The following GDI2 variants were observed in gnomAD, a reference collection of about 807,000 sequenced individuals.
GDI2 encodes rab GDP dissociation inhibitor beta.
In GDI2, 22 loss-of-function variants were observed where a neutral mutation model predicts 54.2. The ratio of observed to expected loss-of-function variants is 0.41; its 90% confidence interval spans 0.29 to 0.58. The LOEUF (loss-of-function observed/expected upper bound fraction) is 0.58. GDI2 is among the 20% of genes least tolerant of loss of function. The pLI, the probability that GDI2 is intolerant of heterozygous loss-of-function variation, is 0.35. For synonymous variants in GDI2, 177 were observed against 182.1 expected (o/e 0.97, Z 0.23); for missense variants, 422 against 546.0 (o/e 0.77, Z 2.26).
At chr10:5,809,559 T>C (rs149069312) in intron 1 of GDI2, among the ~76,000 whole-genome samples, 1 of 152,252 alleles carries the variant, frequency 6.6e-6, no homozygotes, top group African/African-American at 2.4e-5. Flanking sequence ...CCTGATTCCC[T>C]GACTGAACTC....
At chr10:5,789,717 G>A (rs1242382036) in intron 4 of GDI2, among the ~76,000 whole-genome samples, 3 of 152,218 alleles carry the variant, frequency 2.0e-5, no homozygotes, top group African/African-American at 4.8e-5. Context: ...ATAAATATAT[G>A]CAATTCTATT....
Position 5,776,810 on chromosome 10 carries a change from G to A in GDI2, c.720-2869C>T. The stretch of plus-strand genomic sequence containing the variant: ...TCCTCCCTTGGATTTTCCATCTCCA[G>A]AACTTCCCCTTATGGAGCTGAGGAT... On this transcript the variant is annotated intron_variant, in intron 6 of 10. Coordinates refer to ENST00000380191, the MANE Select transcript of GDI2 (RefSeq NM_001494.4). This position sits in a 1 kb window ranked among gnomAD's most constrained non-coding sequence, Gnocchi z 5.3. The A allele has an allele frequency of 1.3e-6, 2 of 1,502,698 alleles. No individual in the cohort carries two copies. The highest frequency in any genetic ancestry group is 1.2e-5 in the South Asian group (1 of 84,568). 93.1% of individuals were successfully genotyped at this position (1,502,698 alleles called of 1,614,324 possible).
intron 4 of GDI2, among the ~76,000 whole-genome samples, chr10:5,793,216 A>T (rs1271939734): frequency 3.9e-5 from 6 of 152,076 alleles, no homozygotes. Context: ...GCTGGTCTTC[A>T]ACTCCTGGCC....
chr10:5,796,747 G>A lies in GDI2; in HGVS notation c.253+16C>T. ...AATCAAAGTACTGTCATAAATTTAA[G>A]TTAGAAATTCTTTACCATTAGCCAT... On this transcript the variant is annotated intron_variant, in intron 3 of 10. Transcript: ENST00000380191. The A allele has an allele frequency of 8.5e-7, 1 of 1,174,516 alleles. No homozygotes were observed. The highest frequency in any genetic ancestry group is 1.3e-6 in the Non-Finnish European group (1 of 782,576). 72.8% of individuals were successfully genotyped at this position (1,174,516 alleles called of 1,614,324 possible).
At chr10:5,798,141 G>C (rs879106025) in intron 2 of GDI2, among the ~76,000 whole-genome samples, 1 of 152,068 alleles carries the variant, frequency 6.6e-6, no homozygotes, top group Admixed American at 6.6e-5. Flanking sequence ...ATGATGTTTT[G>C]TGGTAAGAAT....
Position 5,774,024 on chromosome 10 carries a change from C to T in GDI2, c.720-83G>A, listed in dbSNP as rs1588968377. ...CCCTTTCTTAGATCTTAATGAGTTA[C>T]AGACAATATACATTTGTTCAATTTC... On this transcript the variant is annotated intron_variant, in intron 6 of 10. Transcript: ENST00000380191. The surrounding 1 kb of genome is among the most constrained non-coding windows in gnomAD (Gnocchi z 4.8). 3.1e-6 allele frequency: 2 copies of T among 652,270 alleles called. No individual in the cohort carries two copies. The highest frequency in any genetic ancestry group is 4.2e-4 in the Middle Eastern group (1 of 2,388). The allele number at this position is 652,270 out of a possible 1,614,324, so 40.4% of individuals were successfully genotyped here.
chr10:5,790,670 C>CA lies in GDI2; in HGVS notation c.388+4214dup, dbSNP rs201167575. Among the ~76,000 whole-genome samples, 162 of 152,142 alleles carry CA rather than the reference C, an allele frequency of 1.1e-3. 3 individuals carry two copies. In the East Asian group the frequency reaches 0.022, roughly 21 times the overall value. ...TCAAAAAACAAAAAAAAATCACATACAAAATAAATGTTAATCAACTACTTA... is the reference window on the plus strand; with the variant it reads ...TCAAAAAACAAAAAAAAATCACATACAAAAATAAATGTTAATCAACTACTTA... On this transcript the variant is annotated intron_variant, in intron 4 of 10. Transcript: ENST00000380191.
At chr10:5,790,417 G>GT (rs2131703577) in intron 4 of GDI2, among the ~76,000 whole-genome samples, 1 of 150,498 alleles carries the variant, frequency 6.6e-6, no homozygotes, top group East Asian at 1.9e-4. Flanking sequence ...AACGAGGCAG[G>GT]TGGATCACCT....
rs917033032 is a variant in GDI2, at chr10:5,774,844, T to A, written c.720-903A>T. Among the ~76,000 whole-genome samples the A allele has an allele frequency of 6.6e-6, 1 of 152,108 alleles. No homozygotes were observed. Among genetic ancestry groups the A allele is most frequent in the Non-Finnish European group, 1.5e-5 (1 of 68,014 alleles). On this transcript the variant is annotated intron_variant, in intron 6 of 10. Transcript: ENST00000380191. The surrounding 1 kb of genome is among the most constrained non-coding windows in gnomAD (Gnocchi z 4.8). ...ATGGCCTTGTGCAGTCGCGGGACTA[T>A]CCACATCAGAGGCAAATCTGCCATT... is the stretch of plus-strand genomic sequence containing the variant.
chr10:5,804,096 CTT>C (rs34897650), intron 1 of GDI2, among the ~76,000 whole-genome samples: 1 of 147,276 alleles, frequency 6.8e-6, no homozygotes, highest in South Asian at 2.1e-4. Flanking sequence ...ATCATTCTTT[CTT>C]TTTTTTTTTA....
chr10:5,809,460 G>A (rs999266840), intron 1 of GDI2, among the ~76,000 whole-genome samples: 8 of 152,098 alleles, frequency 5.3e-5, no homozygotes, highest in Admixed American at 4.6e-4. Flanking sequence ...TACACTGACT[G>A]CTCTCTGCCT....
intron 6 of GDI2, among the ~76,000 whole-genome samples, chr10:5,782,734 G>A (rs1032425423): frequency 6.6e-6 from 1 of 152,322 alleles, no homozygotes; most frequent in Non-Finnish European, 1.5e-5. Flanking sequence ...AGGAGTTCAA[G>A]ACCAGACTGA....
intron 1 of GDI2, among the ~76,000 whole-genome samples, chr10:5,809,126 T>C (rs1291704153): frequency 6.6e-6 from 1 of 151,518 alleles, no homozygotes; most frequent in East Asian, 1.9e-4. Flanking sequence ...GCACCTGTAA[T>C]CCCAGCTACC....
intron 7 of GDI2, 148 bp downstream of exon 7, chr10:5,773,694 G>T: frequency 1.7e-6 from 1 of 590,926 alleles, no homozygotes; most frequent in Non-Finnish European, 3.0e-6. Flanking sequence ...ACAAAGCACA[G>T]CAACTGTAAT....
At chr10:5,810,945 T>G (rs1340984537) in intron 1 of GDI2, among the ~76,000 whole-genome samples, 1 of 152,216 alleles carries the variant, frequency 6.6e-6, no homozygotes, top group Non-Finnish European at 1.5e-5. Context: ...TTCCTTACAC[T>G]TCTTTAAAAG....
Position 5,774,554 on chromosome 10 carries a change from G to A in GDI2, c.720-613C>T, listed in dbSNP as rs544363982. On this transcript the variant is annotated intron_variant, in intron 6 of 10. Coordinates refer to ENST00000380191, the MANE Select transcript of GDI2 (RefSeq NM_001494.4). The surrounding 1 kb of genome is among the most constrained non-coding windows in gnomAD (Gnocchi z 4.8). Reference sequence around the variant, plus strand: ...CTCTCCCGCTTGCTAACCAATCACCGGAACAGTTCCTCTCGGCCGCAGCGG... The same window carrying A: ...CTCTCCCGCTTGCTAACCAATCACCAGAACAGTTCCTCTCGGCCGCAGCGG... 1.3e-5 allele frequency among the ~76,000 whole-genome samples: 2 copies of A among 151,954 alleles called. No homozygotes were observed. Among genetic ancestry groups the A allele is most frequent in the Non-Finnish European group, 2.9e-5 (2 of 68,002 alleles).
At chr10:5,802,556 G>A (rs1051884806) in intron 1 of GDI2, among the ~76,000 whole-genome samples, 2 of 151,026 alleles carry the variant, frequency 1.3e-5, no homozygotes, top group African/African-American at 2.4e-5. Flanking sequence ...CCGAGATCGC[G>A]CCACTGCACT....
In GDI2 at chr10:5,793,647, A is replaced by C. The variant is rs1841065188; in HGVS notation, c.388+1238T>G. Reference sequence around the variant, plus strand: ...CTGATGCCAAAATAATTATGAGAGAACTTATGAGCACTTTCCCTCTTCTAA... The same window carrying C: ...CTGATGCCAAAATAATTATGAGAGACCTTATGAGCACTTTCCCTCTTCTAA... On this transcript the variant is annotated intron_variant, in intron 4 of 10. Coordinates refer to ENST00000380191, the MANE Select transcript of GDI2 (RefSeq NM_001494.4). Among the ~76,000 whole-genome samples, 3 of 152,052 alleles carry C rather than the reference A, an allele frequency of 2.0e-5. No individual in the cohort carries two copies. In the South Asian group the frequency reaches 6.2e-4, roughly 31 times the overall value.
chr10:5,782,008 A>G (rs1180930155), intron 6 of GDI2, among the ~76,000 whole-genome samples: 1 of 152,184 alleles, frequency 6.6e-6, no homozygotes, highest in African/African-American at 2.4e-5. Flanking sequence ...GCAAGACTCT[A>G]TCTCAAAAAA....
Sources: allele counts gnomAD v4.1 joint callset (sites outside exome capture counted in the v4.1 genomes callset), GRCh38; gene constraint gnomAD v4.1.1; non-coding constraint Gnocchi (gnomAD v3.1); transcripts MANE v1.5; gene names NCBI Gene and HGNC (gene_info 2026-07-23, HGNC 2026-07-21).